AGBL1: variants seen among roughly 807,000 people sequenced by gnomAD.
AGBL1 encodes the protein AGBL carboxypeptidase 1, also known as cytosolic carboxypeptidase 4.
Under a neutral mutation model 118.9 loss-of-function variants are expected in AGBL1, and 130 were observed. That is an observed-to-expected ratio of 1.09 (90% CI 0.95 to 1.26). AGBL1 has a LOEUF of 1.26. AGBL1 is among the 50% of genes most tolerant of loss of function. AGBL1 has a pLI of 0.00. For missense variants in AGBL1, 1,584 were observed against 1,298.1 expected, an observed-to-expected ratio of 1.22 and a Z score of -3.38; for synonymous variants, 555 against 478.9, an observed-to-expected ratio of 1.16 and a Z score of -2.08.
chr15:86,379,339 A>G (rs895281484), intron 17 of AGBL1, among the ~76,000 whole-genome samples: 5 of 152,172 alleles, frequency 3.3e-5, no homozygotes, highest in African/African-American at 1.2e-4. Context: ...TTAATACGAT[A>G]ATATCCACTC....
chr15:86,334,491 T>C (rs193124115), intron 17 of AGBL1, among the ~76,000 whole-genome samples: 1 of 152,248 alleles, frequency 6.6e-6, no homozygotes, highest in East Asian at 1.9e-4. Context: ...AAATGCAAAG[T>C]ACTGCTAAAA....
At chr15:86,282,874 C>T (rs553099395) in intron 16 of AGBL1, among the ~76,000 whole-genome samples, 3 of 152,282 alleles carry the variant, frequency 2.0e-5, no homozygotes, top group East Asian at 1.9e-4. Context: ...ATATGGATTA[C>T]ATTTAGTAAT....
chr15:86,953,896 A>G (rs2141674586), intron 23 of AGBL1, among the ~76,000 whole-genome samples: 1 of 152,276 alleles, frequency 6.6e-6, no homozygotes, highest in Non-Finnish European at 1.5e-5. Flanking sequence ...TGCTCTTCCT[A>G]TTTGGATGCC....
chr15:86,331,223 C>CAAAAAAA (rs71144041), intron 17 of AGBL1, among the ~76,000 whole-genome samples: 2 of 97,136 alleles, frequency 2.1e-5, no homozygotes, highest in African/African-American at 4.0e-5. Flanking sequence ...GACTCCATCT[C>CAAAAAAA]AAAAAAAAAA....
chr15:86,352,346 T>A (rs1405605528), intron 17 of AGBL1, among the ~76,000 whole-genome samples: 3 of 152,222 alleles, frequency 2.0e-5, no homozygotes, highest in Non-Finnish European at 4.4e-5. Context: ...GGAATCATGG[T>A]TGATCTTTGC....
rs527599494 is a variant in AGBL1 at position 86,348,374 on chromosome 15, C to T, written c.2375-48992C>T. Among the ~76,000 whole-genome samples the T allele has an allele frequency of 6.9e-4, 105 of 152,346 alleles. 1 individual carries two copies. The highest frequency in any genetic ancestry group is 2.3e-3 in the African/African-American group (97 of 41,596). Reference sequence around the variant, plus strand: ...GTGAATATGCAGCTCACAAAAATATCTCCCTCTTCTGAGCTCTGCAGGGCA... The same window carrying T: ...GTGAATATGCAGCTCACAAAAATATTTCCCTCTTCTGAGCTCTGCAGGGCA... On this transcript the variant is annotated intron_variant, in intron 17 of 22. Coordinates refer to ENST00000614907, the MANE Select transcript of AGBL1 (RefSeq NM_001386094.1).
At chr15:86,959,937 G>A (rs2080974436) in intron 23 of AGBL1, among the ~76,000 whole-genome samples, 1 of 152,010 alleles carries the variant, frequency 6.6e-6, no homozygotes, top group Admixed American at 6.6e-5. Context: ...GTCTTGTTCA[G>A]GGGAAATGGG....
At chr15:86,567,056 T>G (rs915764493) in intron 21 of AGBL1, among the ~76,000 whole-genome samples, 2 of 152,328 alleles carry the variant, frequency 1.3e-5, no homozygotes, top group African/African-American at 2.4e-5. Flanking sequence ...TCAATACATG[T>G]TTACTGTTTG....
intron 23 of AGBL1, among the ~76,000 whole-genome samples, chr15:86,973,463 G>T (rs893028150): frequency 6.6e-6 from 1 of 151,332 alleles, no homozygotes; most frequent in African/African-American, 2.4e-5. Context: ...CTCAGTGTCA[G>T]CCTACATTCC....
chr15:86,624,322 G>A (rs1567088717), intron 21 of AGBL1, among the ~76,000 whole-genome samples: 1 of 152,186 alleles, frequency 6.6e-6, no homozygotes, highest in Admixed American at 6.5e-5. Flanking sequence ...TAATACAACA[G>A]CATGTGACAC....
At chr15:86,990,985 T>C (rs1323634949) in intron 24 of AGBL1, among the ~76,000 whole-genome samples, 3 of 152,224 alleles carry the variant, frequency 2.0e-5, no homozygotes, top group African/African-American at 4.8e-5. Context: ...GATTCTGTTA[T>C]TGAGAATAGT....
intron 17 of AGBL1, among the ~76,000 whole-genome samples, chr15:86,345,988 T>C (rs545580452): frequency 7.3e-6 from 1 of 136,520 alleles, no homozygotes; most frequent in South Asian, 2.2e-4. Flanking sequence ...CAGCTCTTCC[T>C]TTTTTTTTTT....
chr15:86,442,104 T>C (rs1299584331), intron 18 of AGBL1, among the ~76,000 whole-genome samples: 1 of 152,222 alleles, frequency 6.6e-6, no homozygotes, highest in Non-Finnish European at 1.5e-5. Context: ...TCGAGACAAC[T>C]GTTTGCAAGG....
intron 22 of AGBL1, among the ~76,000 whole-genome samples, chr15:86,884,924 G>T (rs1230768832): frequency 6.6e-6 from 1 of 152,212 alleles, no homozygotes; most frequent in East Asian, 1.9e-4. Flanking sequence ...GTGCTTTACT[G>T]TGCATTGTGC....
At chr15:86,858,483 T>TGTGC (rs1226302893) in intron 22 of AGBL1, among the ~76,000 whole-genome samples, 1 of 151,796 alleles carries the variant, frequency 6.6e-6, no homozygotes, top group Non-Finnish European at 1.5e-5. Context: ...TGTGTGTGTG[T>TGTGC]GTGTGTGTGT....
At chr15:86,145,863 A>G (rs2077026640) in intron 3 of AGBL1, among the ~76,000 whole-genome samples, 1 of 152,220 alleles carries the variant, frequency 6.6e-6, no homozygotes, top group Non-Finnish European at 1.5e-5. Context: ...ATGATAGCAG[A>G]CTATGATGAG....
At chr15:86,549,747 A>G (rs1274113811) in intron 20 of AGBL1, among the ~76,000 whole-genome samples, 2 of 152,012 alleles carry the variant, frequency 1.3e-5, no homozygotes, top group South Asian at 2.1e-4. Flanking sequence ...AATTATGTTC[A>G]AAAGTTAATG....
intron 17 of AGBL1, among the ~76,000 whole-genome samples, chr15:86,368,456 G>GT (rs1412640338): frequency 6.6e-6 from 1 of 152,142 alleles, no homozygotes; most frequent in Non-Finnish European, 1.5e-5. Context: ...AGATTTTAAA[G>GT]TTACTACATT....
At chr15:86,115,829 A>C (rs1327254110) in intron 1 of AGBL1, among the ~76,000 whole-genome samples, 2 of 151,492 alleles carry the variant, frequency 1.3e-5, no homozygotes, top group Non-Finnish European at 2.9e-5. Context: ...TTTCCATGAA[A>C]CTCCAGACTC....
Sources: allele counts gnomAD v4.1 joint callset (sites outside exome capture counted in the v4.1 genomes callset), GRCh38; gene constraint gnomAD v4.1.1; transcripts MANE v1.5; gene names NCBI Gene and HGNC (gene_info 2026-07-23, HGNC 2026-07-21).